VTCN1: variants seen among roughly 807,000 people sequenced by gnomAD.
VTCN1 encodes the protein V-set domain containing T cell activation inhibitor 1.
Under a neutral mutation model 26.5 loss-of-function variants are expected in VTCN1, and 26 were observed. The ratio of observed to expected loss-of-function variants is 0.98; its 90% confidence interval spans 0.72 to 1.36. The LOEUF is 1.36. Ranked by LOEUF, VTCN1 falls within the 40% of genes most tolerant of loss-of-function variation. The pLI is 0.00. For synonymous variants in VTCN1, 116 were observed against 130.7 expected (o/e 0.89, Z 0.77); for missense variants, 298 against 337.7 (o/e 0.88, Z 0.92).
intron 4 of VTCN1, among the ~76,000 whole-genome samples, chr1:117,149,207 C>T (rs1382953229): frequency 6.6e-6 from 1 of 152,034 alleles, no homozygotes; most frequent in Non-Finnish European, 1.5e-5. Context: ...GCATCTCTAC[C>T]TGGGTACACT....
At chr1:117,151,103 A>C (rs111810060) in intron 4 of VTCN1, among the ~76,000 whole-genome samples, 99 of 151,920 alleles carry the variant, frequency 6.5e-4, no homozygotes, top group African/African-American at 2.3e-3. Context: ...TCTCATTCAG[A>C]CTCTGAATTC....
At position 117,203,749 on chromosome 1, in the gene VTCN1, T is replaced by C. The variant is rs528448229; in HGVS notation, c.32+7075A>G. The C allele has an allele frequency of 1.2e-5, 12 of 985,436 alleles. No individual in the cohort carries two copies. In the South Asian group the frequency reaches 4.2e-4, roughly 35 times the overall value. 61.0% of individuals were successfully genotyped at this position (985,436 alleles called of 1,614,324 possible). On this transcript the variant is annotated intron_variant, in intron 1 of 5. Coordinates refer to ENST00000369458, the MANE Select transcript of VTCN1 (RefSeq NM_024626.4). ...ATTTATATCTATCTGGATTAAATCC[T>C]TGTGCTTTTCTGGAGGAATCAGGGA...
At chr1:117,189,608 G>A (rs1648138057) in intron 1 of VTCN1, among the ~76,000 whole-genome samples, 1 of 152,130 alleles carries the variant, frequency 6.6e-6, no homozygotes, top group South Asian at 2.1e-4. Context: ...TGAAACTTTA[G>A]AACAAGGAAG....
chr1:117,206,572 G>C (rs1414627074), intron 1 of VTCN1, among the ~76,000 whole-genome samples: 2 of 152,168 alleles, frequency 1.3e-5, no homozygotes, highest in Non-Finnish European at 2.9e-5. Flanking sequence ...CAGCCATAGT[G>C]CTACATTGCC....
intron 2 of VTCN1, among the ~76,000 whole-genome samples, chr1:117,160,324 G>T (rs1652299149): frequency 1.3e-5 from 2 of 152,156 alleles, no homozygotes; most frequent in South Asian, 4.1e-4. Flanking sequence ...AGCCAAAAAA[G>T]CCCAACATAA....
rs144092474 is a variant in VTCN1, at chr1:117,150,436, T to C, written c.725-2654A>G. Among the ~76,000 whole-genome samples the C allele has an allele frequency of 2.0e-5, 3 of 152,340 alleles. No individual in the cohort carries two copies. The East Asian group carries it at 5.8e-4, about 29-fold the overall frequency. Reference sequence around the variant, plus strand: ...ATCCTGAAGTCAACTGAACTTCCTGTCTTTGGTTCCACAACATTCTAGTAC... The same window carrying C: ...ATCCTGAAGTCAACTGAACTTCCTGCCTTTGGTTCCACAACATTCTAGTAC... On this transcript the variant is annotated intron_variant, in intron 4 of 5. Transcript: ENST00000369458.
chr1:117,180,474 G>A (rs1025647195), intron 1 of VTCN1, among the ~76,000 whole-genome samples: 6 of 152,172 alleles, frequency 3.9e-5, no homozygotes, highest in African/African-American at 1.4e-4. Flanking sequence ...ATTTCCACAA[G>A]ATTCCTTCAG....
At chr1:117,156,524 C>T (rs763408167) in intron 3 of VTCN1, 50 bp downstream of exon 3, 1 of 1,482,538 alleles carries the variant, frequency 6.7e-7, no homozygotes, top group East Asian at 2.3e-5. Flanking sequence ...TAATCTTTAG[C>T]CTCAAATACT....
rs553665062 is a variant in VTCN1 at position 117,161,366 on chromosome 1, G to A, written c.98-4445C>T. 1.1e-4 allele frequency among the ~76,000 whole-genome samples: 16 copies of A among 152,232 alleles called. No homozygotes were observed. In the East Asian group the frequency reaches 1.9e-3, roughly 18 times the overall value. ...CAAATTCTACTTATATTCAAAGTCC[G>A]TTCAGATGGCAGCCCTCCCATGAAA... On this transcript the variant is annotated intron_variant, in intron 2 of 5. Coordinates refer to ENST00000369458, the MANE Select transcript of VTCN1 (RefSeq NM_024626.4). This position sits in a 1 kb window ranked among gnomAD's most constrained non-coding sequence, Gnocchi z 4.3.
intron 2 of VTCN1, among the ~76,000 whole-genome samples, chr1:117,158,580 G>A (rs1652209760): frequency 6.6e-6 from 1 of 152,194 alleles, no homozygotes; most frequent in Non-Finnish European, 1.5e-5. Flanking sequence ...CCTGTGATGG[G>A]AGGGGCAGCC....
chr1:117,162,857 T>A (rs1197732013), intron 2 of VTCN1, among the ~76,000 whole-genome samples: 1 of 152,208 alleles, frequency 6.6e-6, no homozygotes, highest in African/African-American at 2.4e-5. Flanking sequence ...AAGACAAGGA[T>A]TCTTTACAGA....
At chr1:117,205,772 A>T (rs952793143) in intron 1 of VTCN1, among the ~76,000 whole-genome samples, 1 of 152,240 alleles carries the variant, frequency 6.6e-6, no homozygotes, top group African/African-American at 2.4e-5. Context: ...GCTGCCTAGG[A>T]GATATTGAGC....
chr1:117,162,721 G>C (rs1193480550), intron 2 of VTCN1, among the ~76,000 whole-genome samples: 3 of 152,220 alleles, frequency 2.0e-5, no homozygotes, highest in Non-Finnish European at 4.4e-5. Flanking sequence ...CATGAGGAAA[G>C]TGGGGCTGTT....
At chr1:117,162,210 C>A (rs1461757427) in intron 2 of VTCN1, among the ~76,000 whole-genome samples, 1 of 152,132 alleles carries the variant, frequency 6.6e-6, no homozygotes, top group Non-Finnish European at 1.5e-5. Context: ...CTTAAAAAAA[C>A]CACAGGGACC....
rs2153909 is a variant in VTCN1, at chr1:117,145,778, T to C, written c.*46-553A>G. Among the ~76,000 whole-genome samples the C allele has an allele frequency of 0.089, 13,459 of 152,074 alleles. 768 individuals carry two copies. The highest frequency in any genetic ancestry group is 0.15 in the African/African-American group (6,252 of 41,446). ...CCTCCTGAGTAGCTGGGACCACAGG[T>C]GGACCTCCACACCTGGCTAATTTTT... On this transcript the variant is annotated intron_variant, in intron 5 of 5. Coordinates refer to ENST00000369458, the MANE Select transcript of VTCN1 (RefSeq NM_024626.4). The surrounding 1 kb of genome is among the most constrained non-coding windows in gnomAD (Gnocchi z 4.6).
Position 117,155,733 on chromosome 1 carries a change from G to A in VTCN1, c.445+841C>T, listed in dbSNP as rs1652037165. 6.6e-6 allele frequency among the ~76,000 whole-genome samples: 1 copy of A among 152,100 alleles called. No individual in the cohort carries two copies. Among genetic ancestry groups the A allele is most frequent in the Non-Finnish European group, 1.5e-5 (1 of 68,028 alleles). ...GTTATGAGGTGTGCAAGAAAGACCT[G>A]TGCATACTAGTTTAGGCTGGAAAGG... On this transcript the variant is annotated intron_variant, in intron 3 of 5. Transcript: ENST00000369458. The surrounding 1 kb of genome is among the most constrained non-coding windows in gnomAD (Gnocchi z 4.8).
At chr1:117,197,124 A>T (rs1557877445) in intron 1 of VTCN1, among the ~76,000 whole-genome samples, 2 of 152,212 alleles carry the variant, frequency 1.3e-5, no homozygotes, top group Admixed American at 1.3e-4. Context: ...ACTTTTAGAC[A>T]ACATGTTTAT....
Position 117,183,239 on chromosome 1 carries a change from C to G in VTCN1, c.33-13068G>C, listed in dbSNP as rs1037332291. Among the ~76,000 whole-genome samples the G allele has an allele frequency of 2.6e-5, 4 of 152,166 alleles. No homozygotes were observed. The highest frequency in any genetic ancestry group is 9.7e-5 in the African/African-American group (4 of 41,434). On this transcript the variant is annotated intron_variant, in intron 1 of 5. Transcript: ENST00000369458. The surrounding 1 kb of genome is among the most constrained non-coding windows in gnomAD (Gnocchi z 4.1). ...GCTTCTTGCCTCCATGCCTTCGTTCCTATTATTTTTCAAGTTCTTGGAACA... is the reference window on the plus strand; with the variant it reads ...GCTTCTTGCCTCCATGCCTTCGTTCGTATTATTTTTCAAGTTCTTGGAACA...
chr1:117,147,879 C>G lies in VTCN1; in HGVS notation c.725-97G>C, dbSNP rs1268053224. On this transcript the variant is annotated intron_variant, in intron 4 of 5. Transcript: ENST00000369458. This position sits in a 1 kb window ranked among gnomAD's most constrained non-coding sequence, Gnocchi z 4.6. ...AAAGAAAAGTACCTGAAAAACAGAACAAGTTGTTCCTAATTCAGGCAATTT... is the reference window on the plus strand; with the variant it reads ...AAAGAAAAGTACCTGAAAAACAGAAGAAGTTGTTCCTAATTCAGGCAATTT... 6 of 1,490,150 alleles carry G rather than the reference C, an allele frequency of 4.0e-6. No individual in the cohort carries two copies. Among genetic ancestry groups the G allele is most frequent in the African/African-American group, 1.4e-5 (1 of 70,404 alleles). 92.3% of individuals were successfully genotyped at this position (1,490,150 alleles called of 1,614,324 possible).
Sources: gnomAD v4.1 joint callset for allele counts (sites outside exome capture counted in the v4.1 genomes callset) on GRCh38, gnomAD v4.1.1 for gene constraint, Gnocchi (gnomAD v3.1) non-coding constraint, MANE v1.5 for transcripts, NCBI Gene and HGNC (gene_info 2026-07-23, HGNC 2026-07-21) for gene names.